The following CACNA2D3 variants were observed in gnomAD, a reference collection of about 807,000 sequenced individuals.
CACNA2D3 encodes the protein calcium voltage-gated channel auxiliary subunit alpha2delta 3.
Under a neutral mutation model 160.6 loss-of-function variants are expected in CACNA2D3, and 60 were observed. That is an observed-to-expected ratio of 0.37 (90% CI 0.30 to 0.46). CACNA2D3 has a LOEUF of 0.46. Among genes scored for constraint, CACNA2D3 ranks in the 20% least tolerant of loss-of-function variants. CACNA2D3 has a pLI of 1.00. For synonymous variants in CACNA2D3, 558 were observed against 492.9 expected (o/e 1.13, Z -1.75); for missense variants, 1,205 against 1,365.0 (o/e 0.88, Z 1.85).
chr3:54,190,356 A>G (rs1700957462), intron 2 of CACNA2D3, among the ~76,000 whole-genome samples: 1 of 152,186 alleles, frequency 6.6e-6, no homozygotes, highest in South Asian at 2.1e-4. Context: ...ATGTTTCTTA[A>G]ATCTGCTTTC....
chr3:54,887,966 A>G lies in CACNA2D3; in HGVS notation c.2064A>G (p.Lys688=). The part of the protein sequence containing the change: ...KGKEPLLQCD[K]ELIQEVLFDA... The stretch of plus-strand genomic sequence containing the variant: ...GTCTGTCCCTCCCAACAGGTGATAA[A>G]GAATTGATCCAAGAAGTCCTTTTTG... The change falls in exon 24 of 38, where the codon AAA becomes AAG. Residue 688 remains lysine, a synonymous_variant. Transcript: ENST00000474759. 6.2e-7 allele frequency: 1 copy of G among 1,613,796 alleles called. No homozygotes were observed. Among genetic ancestry groups the G allele is most frequent in the Non-Finnish European group, 8.5e-7 (1 of 1,179,712 alleles).
chr3:54,727,668 A>G (rs2107005070), intron 11 of CACNA2D3, among the ~76,000 whole-genome samples: 1 of 152,336 alleles, frequency 6.6e-6, no homozygotes, highest in African/African-American at 2.4e-5. Context: ...CAGAAAGCCA[A>G]ACACTGCATG....
chr3:54,486,048 G>C (rs891357990), intron 4 of CACNA2D3, among the ~76,000 whole-genome samples: 3 of 152,192 alleles, frequency 2.0e-5, no homozygotes, highest in African/African-American at 4.8e-5. Flanking sequence ...GCTAGTCTCT[G>C]AACAGAAAGA....
chr3:54,711,356 T>C (rs2106964309), intron 11 of CACNA2D3, among the ~76,000 whole-genome samples: 1 of 152,334 alleles, frequency 6.6e-6, no homozygotes, highest in Middle Eastern at 3.4e-3. Context: ...GACAGAGCAG[T>C]TCTGGAGCTG....
At chr3:54,872,282 A>G (rs1299078534) in intron 18 of CACNA2D3, among the ~76,000 whole-genome samples, 3 of 152,072 alleles carry the variant, frequency 2.0e-5, no homozygotes, top group Non-Finnish European at 2.9e-5. Context: ...TACTTCCTCA[A>G]TAAATCAGAT....
chr3:54,837,057 A>C lies in CACNA2D3; in HGVS notation c.1399-102A>C, dbSNP rs532153080. ...GCTTGAGTGGGCACTGTTCCATCTC[A>C]ACAGCCCCTGGTTTGGAAAGGACAT... On this transcript the variant is annotated intron_variant, in intron 14 of 37. Coordinates refer to ENST00000474759, the MANE Select transcript of CACNA2D3 (RefSeq NM_018398.3). The C allele has an allele frequency of 3.6e-4, 348 of 977,174 alleles. 1 individual carries two copies. The African/African-American group carries it at 4.8e-3, about 14-fold the overall frequency. 60.5% of individuals were successfully genotyped at this position (977,174 alleles called of 1,614,324 possible). A position where few individuals can be genotyped will look rare whatever the true frequency, so the allele number is the denominator to read the frequency against.
intron 18 of CACNA2D3, 143 bp downstream of exon 18, chr3:54,871,765 G>A (rs1007205280): frequency 1.7e-5 from 11 of 634,510 alleles, no homozygotes; most frequent in Admixed American, 6.1e-5. Context: ...AGGGGCCTTT[G>A]TACCATGTGT....
At position 54,363,552 on chromosome 3, in the gene CACNA2D3, G is replaced by A. The variant is rs181761832; in HGVS notation, c.322-23163G>A. On this transcript the variant is annotated intron_variant, in intron 3 of 37. Transcript: ENST00000474759. ...TTTTCTTGCTAGGCCAAGCCTGAAA[G>A]CACTCCAATCTAATTTCCCCAGGAT... Among the ~76,000 whole-genome samples, 18 of 152,282 alleles carry A rather than the reference G, an allele frequency of 1.2e-4. No individual in the cohort carries two copies. In the East Asian group the frequency reaches 3.5e-3, roughly 29 times the overall value.
intron 31 of CACNA2D3, among the ~76,000 whole-genome samples, chr3:55,004,522 A>G (rs1703047892): frequency 6.6e-6 from 1 of 152,200 alleles, no homozygotes; most frequent in South Asian, 2.1e-4. Flanking sequence ...ATGGGTCCTC[A>G]TCCCCCTCTA....
chr3:54,614,058 A>G (rs1161417881), intron 9 of CACNA2D3, among the ~76,000 whole-genome samples: 2 of 152,330 alleles, frequency 1.3e-5, no homozygotes, highest in Non-Finnish European at 2.9e-5. Context: ...CCCTTGTTCA[A>G]TTGATCAAGC....
intron 5 of CACNA2D3, among the ~76,000 whole-genome samples, chr3:54,557,251 T>C (rs555252717): frequency 2.2e-4 from 34 of 152,340 alleles, no homozygotes; most frequent in Middle Eastern, 6.8e-3. Flanking sequence ...TGTTTCCCCT[T>C]GTTCACCATG....
rs560426249 is a variant in CACNA2D3 at position 54,301,268 on chromosome 3, A to ACAG, written c.205-19172_205-19171insGCA. Among the ~76,000 whole-genome samples, 365 of 150,144 alleles carry ACAG rather than the reference A, an allele frequency of 2.4e-3. 1 individual carries two copies. Among genetic ancestry groups the ACAG allele is most frequent in the African/African-American group, 8.7e-3 (355 of 40,980 alleles). ...CGAGATCCTGTCTCAAAACAAACAA[A>ACAG]CAACAACAACAACAAACAAACAAAC... On this transcript the variant is annotated intron_variant, in intron 2 of 37. Coordinates refer to ENST00000474759, the MANE Select transcript of CACNA2D3 (RefSeq NM_018398.3).
At chr3:54,882,433 A>C (rs1189373376) in intron 21 of CACNA2D3, among the ~76,000 whole-genome samples, 2 of 152,090 alleles carry the variant, frequency 1.3e-5, no homozygotes, top group Non-Finnish European at 2.9e-5. Context: ...AGATACACAC[A>C]GTTGTTTTGC....
chr3:54,239,140 A>G (rs1020338586), intron 2 of CACNA2D3, among the ~76,000 whole-genome samples: 1 of 152,240 alleles, frequency 6.6e-6, no homozygotes, highest in Non-Finnish European at 1.5e-5. Flanking sequence ...TACAGTAATT[A>G]TTGAGTCAAC....
chr3:54,662,983 A>G (rs1036540141), intron 11 of CACNA2D3, among the ~76,000 whole-genome samples: 1 of 152,226 alleles, frequency 6.6e-6, no homozygotes, highest in Non-Finnish European at 1.5e-5. Flanking sequence ...TGTGACAGGA[A>G]CCAAATGAGC....
intron 3 of CACNA2D3, among the ~76,000 whole-genome samples, chr3:54,321,461 G>A (rs538197478): frequency 1.3e-5 from 2 of 152,082 alleles, no homozygotes; most frequent in Non-Finnish European, 1.5e-5. Context: ...TGCAAGTTTT[G>A]ACATAAATAA....
intron 4 of CACNA2D3, among the ~76,000 whole-genome samples, chr3:54,437,623 T>C (rs1700080588): frequency 1.3e-5 from 2 of 152,202 alleles, no homozygotes; most frequent in African/African-American, 4.8e-5. Flanking sequence ...ACCTCAAGGA[T>C]GTTCAAGAAA....
intron 13 of CACNA2D3, among the ~76,000 whole-genome samples, chr3:54,765,735 A>C (rs1310674654): frequency 2.0e-5 from 3 of 152,210 alleles, no homozygotes; most frequent in African/African-American, 7.2e-5. Context: ...AATATAAGAC[A>C]CAGTTTCTAC....
Position 54,424,555 on chromosome 3 carries a change from G to A in CACNA2D3, c.381+37781G>A, listed in dbSNP as rs553902605. 2.1e-4 allele frequency among the ~76,000 whole-genome samples: 32 copies of A among 152,226 alleles called. No individual in the cohort carries two copies. The South Asian group carries it at 2.5e-3, about 12-fold the overall frequency. ...TTACTACATGACTCCTGGAGATGAC[G>A]AGGCTTTTATCCTCTGCTGAATAAC... On this transcript the variant is annotated intron_variant, in intron 4 of 37. Coordinates refer to ENST00000474759, the MANE Select transcript of CACNA2D3 (RefSeq NM_018398.3).
Sources: gnomAD v4.1 joint callset for allele counts (sites outside exome capture counted in the v4.1 genomes callset) on GRCh38, gnomAD v4.1.1 for gene constraint, MANE v1.5 for transcripts, NCBI Gene and HGNC (gene_info 2026-07-23, HGNC 2026-07-21) for gene names.